Variants in EPB41L3 observed in about 807,000 individuals in gnomAD.
EPB41L3 encodes erythrocyte membrane protein band 4.1 like 3.
EPB41L3 carries 57 observed loss-of-function variants against 127.1 expected under a neutral mutation model. That is an observed-to-expected ratio of 0.45 (90% CI 0.36 to 0.56). The LOEUF is 0.56. Ranked by LOEUF, EPB41L3 falls within the 20% of genes least tolerant of loss-of-function variation. The pLI, the probability that EPB41L3 is intolerant of heterozygous loss-of-function variation, is 0.00. For synonymous variants in EPB41L3, 572 were observed against 549.5 expected (o/e 1.04, Z -0.57); for missense variants, 1,273 against 1,372.2 (o/e 0.93, Z 1.14).
At chr18:5,483,670 G>A (rs1295266061) in intron 2 of EPB41L3, among the ~76,000 whole-genome samples, 2 of 151,976 alleles carry the variant, frequency 1.3e-5, no homozygotes, top group Non-Finnish European at 2.9e-5. Flanking sequence ...AAGAGCAGAT[G>A]TAGCTATACT....
intron 1 of EPB41L3, among the ~76,000 whole-genome samples, chr18:5,517,156 T>C (rs1417025375): frequency 6.6e-6 from 1 of 152,104 alleles, no homozygotes; most frequent in Non-Finnish European, 1.5e-5. Flanking sequence ...TAGGAGGCAC[T>C]CAATATTTGT....
Position 5,543,715 on chromosome 18 carries a change from C to T in EPB41L3, c.-12+198G>A, listed in dbSNP as rs2093816087. ...CGCGCAGGCTCGGCCCGGTGGGGGT[C>T]CCGGCGAGCGGGAGGGCGGTTGGGG... On this transcript the variant is annotated intron_variant, in intron 1 of 22. Transcript: ENST00000341928. This position sits in a 1 kb window ranked among gnomAD's most constrained non-coding sequence, Gnocchi z 5.2. 6.9e-6 allele frequency among the ~76,000 whole-genome samples: 1 copy of T among 145,220 alleles called. No individual in the cohort carries two copies. Among genetic ancestry groups the T allele is most frequent in the Admixed American group, 6.8e-5 (1 of 14,736 alleles).
chr18:5,566,788 T>TATTCTATTCTATTCCATTCCATTCC (rs1555804087), intron 3 of EPB41L3, among the ~76,000 whole-genome samples: 31 of 112,500 alleles, frequency 2.8e-4, no homozygotes, highest in South Asian at 2.4e-3. Flanking sequence ...TATTCTATTC[T>TATTCTATTCTATTCCATTCCATTCC]ATTCCATTCC....
At chr18:5,602,303 A>C (rs2143818643) in intron 3 of EPB41L3, among the ~76,000 whole-genome samples, 1 of 152,290 alleles carries the variant, frequency 6.6e-6, no homozygotes, top group Middle Eastern at 3.4e-3. Flanking sequence ...TAATCATAGC[A>C]AAGCTTATAT....
chr18:5,556,237 A>G (rs139530678), intron 3 of EPB41L3, among the ~76,000 whole-genome samples: 3 of 152,362 alleles, frequency 2.0e-5, no homozygotes, highest in African/African-American at 7.2e-5. Context: ...TCTGCTAGAT[A>G]CAAAGGAAAA....
intron 1 of EPB41L3, among the ~76,000 whole-genome samples, chr18:5,507,129 T>G (rs2092260677): frequency 6.6e-6 from 1 of 152,148 alleles, no homozygotes; most frequent in African/African-American, 2.4e-5. Flanking sequence ...ATCCTGACCC[T>G]AATGTTCCTT....
intron 1 of EPB41L3, among the ~76,000 whole-genome samples, chr18:5,627,297 C>A (rs1172508034): frequency 6.6e-6 from 1 of 152,144 alleles, no homozygotes; most frequent in Admixed American, 6.5e-5. Context: ...CAGATGTGAA[C>A]CATGGCATGT....
chr18:5,539,548 G>T (rs1344090849), intron 1 of EPB41L3: 3 of 152,090 alleles, frequency 2.0e-5, no homozygotes, highest in Admixed American at 2.0e-4. Flanking sequence ...TTTATGCTTT[G>T]AAACTGTGCT....
chr18:5,554,729 T>C (rs2094010052), intron 3 of EPB41L3, among the ~76,000 whole-genome samples: 1 of 152,094 alleles, frequency 6.6e-6, no homozygotes, highest in African/African-American at 2.4e-5. Flanking sequence ...CCAGGGGCAA[T>C]TTAATAAGCA....
intron 3 of EPB41L3, among the ~76,000 whole-genome samples, chr18:5,583,374 T>A (rs1286419853): frequency 6.6e-6 from 1 of 152,142 alleles, no homozygotes; most frequent in Non-Finnish European, 1.5e-5. Flanking sequence ...CAAGAGCTCT[T>A]CCCTGTCCAG....
At chr18:5,462,856 T>A (rs1165225577) in intron 3 of EPB41L3, among the ~76,000 whole-genome samples, 2 of 152,246 alleles carry the variant, frequency 1.3e-5, no homozygotes, top group Non-Finnish European at 2.9e-5. Context: ...GTTGCAATAG[T>A]AGATTGCTAC....
intron 3 of EPB41L3, among the ~76,000 whole-genome samples, chr18:5,549,861 A>G (rs1028144300): frequency 9.9e-5 from 15 of 152,208 alleles, no homozygotes; most frequent in Non-Finnish European, 1.8e-4. Context: ...GGGTGGAAAA[A>G]CAGCCCACTC....
intron 12 of EPB41L3, 96 bp from the exon 13 acceptor site, chr18:5,416,474 CA>C: frequency 7.5e-7 from 1 of 1,333,408 alleles, no homozygotes; most frequent in Admixed American, 2.8e-5. Context: ...TTATGGGTAT[CA>C]ATATAAAATT....
At chr18:5,598,282 G>A (rs1389703416) in intron 3 of EPB41L3, among the ~76,000 whole-genome samples, 1 of 152,146 alleles carries the variant, frequency 6.6e-6, no homozygotes, top group Admixed American at 6.5e-5. Flanking sequence ...GTAACAGATT[G>A]AATGCAGAAG....
chr18:5,533,991 C>T (rs541286649), intron 1 of EPB41L3, among the ~76,000 whole-genome samples: 2 of 152,042 alleles, frequency 1.3e-5, no homozygotes, highest in Non-Finnish European at 2.9e-5. Context: ...AGTGAAACCC[C>T]GTCTCCACTA....
chr18:5,394,876 C>A, intron 21 of EPB41L3, 83 bp from the exon 22 acceptor site: 1 of 1,315,316 alleles, frequency 7.6e-7, no homozygotes, highest in Admixed American at 1.8e-5. Flanking sequence ...GACTTATGAG[C>A]TAGATCTATA....
intron 3 of EPB41L3, among the ~76,000 whole-genome samples, chr18:5,595,738 G>A (rs887572142): frequency 2.0e-5 from 3 of 152,080 alleles, no homozygotes; most frequent in Non-Finnish European, 2.9e-5. Flanking sequence ...TTTACTGACC[G>A]ATTCTCCATT....
At chr18:5,586,377 A>C (rs940844084) in intron 3 of EPB41L3, among the ~76,000 whole-genome samples, 1 of 149,882 alleles carries the variant, frequency 6.7e-6, no homozygotes, top group African/African-American at 2.5e-5. Flanking sequence ...GCAATGTATT[A>C]TACTGTGATT....
At chr18:5,611,902 T>C (rs543205692) in intron 3 of EPB41L3, among the ~76,000 whole-genome samples, 2 of 152,268 alleles carry the variant, frequency 1.3e-5, no homozygotes, top group East Asian at 3.9e-4. Flanking sequence ...GAGGCTGCAG[T>C]GAGCCATGAT....
Sources: gnomAD v4.1 joint callset for allele counts (sites outside exome capture counted in the v4.1 genomes callset) on GRCh38, gnomAD v4.1.1 for gene constraint, Gnocchi (gnomAD v3.1) non-coding constraint, MANE v1.5 for transcripts, NCBI Gene and HGNC (gene_info 2026-07-23, HGNC 2026-07-21) for gene names.